ADCK1: variants seen among roughly 807,000 people sequenced by gnomAD.
ADCK1 encodes the protein aarF domain-containing protein kinase 1.
Under a neutral mutation model 52.3 loss-of-function variants are expected in ADCK1, and 41 were observed. That is an observed-to-expected ratio of 0.78 (90% CI 0.61 to 1.02). ADCK1 has a LOEUF of 1.02. ADCK1 is among the 50% of genes least tolerant of loss of function. The probability of loss-of-function intolerance (pLI) is 0.00; values close to 1 mark genes in which losing one functional copy is unlikely to be tolerated. For synonymous variants in ADCK1, 250 were observed against 274.6 expected (o/e 0.91, Z 0.89); for missense variants, 658 against 679.5 (o/e 0.97, Z 0.35).
At chr14:77,835,571 C>A (rs1448180560) in intron 3 of ADCK1, among the ~76,000 whole-genome samples, 1 of 152,190 alleles carries the variant, frequency 6.6e-6, no homozygotes, top group Non-Finnish European at 1.5e-5. Context: ...AATCAGTCAC[C>A]TGGGGAGCCT....
chr14:77,876,662 AACCAC>A (rs1208479019), intron 4 of ADCK1, among the ~76,000 whole-genome samples: 4 of 152,152 alleles, frequency 2.6e-5, no homozygotes, highest in African/African-American at 9.7e-5. Context: ...CGCCCCAGTA[AACCAC>A]AGGTCTACCA....
chr14:77,921,314 G>T (rs376332539), intron 7 of ADCK1, among the ~76,000 whole-genome samples: 116 of 46,918 alleles, frequency 2.5e-3, no homozygotes, highest in Middle Eastern at 0.013. Flanking sequence ...GCGACAGAGT[G>T]AGACTCTGTC....
intron 2 of ADCK1, among the ~76,000 whole-genome samples, chr14:77,821,521 G>A (rs1013153200): frequency 6.6e-6 from 1 of 152,090 alleles, no homozygotes; most frequent in African/African-American, 2.4e-5. Context: ...GCCCTTCCAT[G>A]CCTAGGATAT....
rs2084183668 is a variant in ADCK1, at chr14:77,925,944, C to T, written c.1189C>T (p.Pro397Ser). 6.2e-7 allele frequency: 1 copy of T among 1,614,110 alleles called. No individual in the cohort carries two copies. Among genetic ancestry groups the T allele is most frequent in the Non-Finnish European group, 8.5e-7 (1 of 1,180,050 alleles). ...GGTCAACAGAGGCATCAGCCAAGCT[C>T]CCGTCACTGCCACTGAGGTAGGGGG... is the stretch of plus-strand genomic sequence containing the variant. ...DSVNRGISQA[P>S]VTATEDLEIR... Residue 397 changes from proline to serine, a missense_variant, in exon 9 of 11, where the codon CCC becomes TCC. By Grantham distance (74) the Pro-to-Ser change is moderately conservative. Transcript: ENST00000238561.
chr14:77,894,597 A>T (rs1186804152), intron 5 of ADCK1, among the ~76,000 whole-genome samples: 1 of 152,148 alleles, frequency 6.6e-6, no homozygotes, highest in Non-Finnish European at 1.5e-5. Context: ...CAAGAAAAGG[A>T]TTAAATGAAA....
At chr14:77,874,918 G>T (rs966403909) in intron 4 of ADCK1, among the ~76,000 whole-genome samples, 1 of 152,170 alleles carries the variant, frequency 6.6e-6, no homozygotes, top group African/African-American at 2.4e-5. Flanking sequence ...AGGGACAGGT[G>T]GATGGGACAA....
chr14:77,901,942 C>T (rs775445751), intron 6 of ADCK1, among the ~76,000 whole-genome samples: 4 of 152,128 alleles, frequency 2.6e-5, no homozygotes, highest in African/African-American at 4.8e-5. Context: ...GGAGAATGCA[C>T]GAGAGGGGTC....
chr14:77,831,922 AAGC>A (rs1452293460), intron 3 of ADCK1, among the ~76,000 whole-genome samples: 2 of 151,930 alleles, frequency 1.3e-5, no homozygotes, highest in African/African-American at 4.8e-5. Flanking sequence ...GGGCATCAGC[AAGC>A]TCAAGCCTCT....
intron 4 of ADCK1, among the ~76,000 whole-genome samples, chr14:77,883,106 C>T (rs920875906): frequency 1.3e-5 from 2 of 151,694 alleles, no homozygotes; most frequent in Non-Finnish European, 2.9e-5. Flanking sequence ...ACAGGGACAT[C>T]GATATATTTG....
At chr14:77,845,165 A>G (rs2140100424) in intron 3 of ADCK1, among the ~76,000 whole-genome samples, 1 of 152,326 alleles carries the variant, frequency 6.6e-6, no homozygotes, top group African/African-American at 2.4e-5. Context: ...TCTGAATTAT[A>G]CTGGTATTCT....
intron 3 of ADCK1, among the ~76,000 whole-genome samples, chr14:77,831,862 G>A (rs2081858388): frequency 6.6e-6 from 1 of 152,236 alleles, no homozygotes; most frequent in Non-Finnish European, 1.5e-5. Flanking sequence ...AGGGGCTAAG[G>A]TCGGGTGACA....
intron 7 of ADCK1, among the ~76,000 whole-genome samples, chr14:77,917,607 T>G (rs1052712469): frequency 6.6e-6 from 1 of 152,190 alleles, no homozygotes; most frequent in Non-Finnish European, 1.5e-5. Flanking sequence ...AGATTCCTGG[T>G]TTTTTTCCCC....
chr14:77,920,323 A>G (rs2084020674), intron 7 of ADCK1, among the ~76,000 whole-genome samples: 2 of 152,196 alleles, frequency 1.3e-5, no homozygotes, highest in Non-Finnish European at 2.9e-5. Context: ...ACATGTGGCT[A>G]GCCAATTATC....
At position 77,923,513 on chromosome 14, in the gene ADCK1, C is replaced by T. The variant is rs773725643; in HGVS notation, c.859-944C>T. 10 of 152,262 alleles carry T rather than the reference C, an allele frequency of 6.6e-5. No homozygotes were observed. The highest frequency in any genetic ancestry group is 2.4e-4 in the African/African-American group (10 of 41,446). 9.4% of individuals were successfully genotyped at this position (152,262 alleles called of 1,614,324 possible). A position where few individuals can be genotyped will look rare whatever the true frequency, so the allele number is the denominator to read the frequency against. ...AGATCCCAATCCTGTGTTCCCCACC[C>T]GTGGGCCCCAGCTCCTCTCCCCTCT... On this transcript the variant is annotated intron_variant, in intron 7 of 10. Transcript: ENST00000238561. This position sits in a 1 kb window ranked among gnomAD's most constrained non-coding sequence, Gnocchi z 4.3.
intron 3 of ADCK1, among the ~76,000 whole-genome samples, chr14:77,847,123 A>G (rs2082187271): frequency 6.6e-6 from 1 of 152,038 alleles, no homozygotes; most frequent in Non-Finnish European, 1.5e-5. Context: ...TGGTGTGGTG[A>G]GATTATGGAG....
intron 3 of ADCK1, among the ~76,000 whole-genome samples, chr14:77,837,977 G>T (rs2081995073): frequency 6.6e-6 from 1 of 152,202 alleles, no homozygotes; most frequent in Non-Finnish European, 1.5e-5. Flanking sequence ...TAGATGGAAG[G>T]CTGTAATATA....
At chr14:77,878,115 C>A (rs997220890) in intron 4 of ADCK1, among the ~76,000 whole-genome samples, 1 of 152,230 alleles carries the variant, frequency 6.6e-6, no homozygotes, top group African/African-American at 2.4e-5. Context: ...TACTTTCTAT[C>A]GCCTTCCCTT....
intron 7 of ADCK1, among the ~76,000 whole-genome samples, chr14:77,916,637 T>C (rs189036000): frequency 1.3e-5 from 2 of 152,270 alleles, no homozygotes; most frequent in African/African-American, 4.8e-5. Context: ...GTATTTCTTA[T>C]AGAGGTTTCA....
At chr14:77,814,407 A>G (rs1337066463) in intron 1 of ADCK1, among the ~76,000 whole-genome samples, 1 of 145,696 alleles carries the variant, frequency 6.9e-6, no homozygotes, top group African/African-American at 2.6e-5. Flanking sequence ...ATTGGTAGAC[A>G]ATGAAGCCTC....
Sources: gnomAD v4.1 joint callset for allele counts (sites outside exome capture counted in the v4.1 genomes callset) on GRCh38, gnomAD v4.1.1 for gene constraint, Gnocchi (gnomAD v3.1) non-coding constraint, MANE v1.5 for transcripts, NCBI Gene and HGNC (gene_info 2026-07-23, HGNC 2026-07-21) for gene names.